Variants in RBMS1 observed in about 807,000 individuals in gnomAD.
The protein encoded by RBMS1 is RNA binding motif single stranded interacting protein 1, also known as RNA-binding motif, single-stranded-interacting protein 1.
RBMS1 carries 17 observed loss-of-function variants against 62.3 expected under a neutral mutation model. That is an observed-to-expected ratio of 0.27 (90% CI 0.19 to 0.41). RBMS1 has a LOEUF of 0.41. RBMS1 is among the 10% of genes least tolerant of loss of function. The pLI, the probability that RBMS1 is intolerant of heterozygous loss-of-function variation, is 1.00. For synonymous variants in RBMS1, 172 were observed against 170.0 expected, an observed-to-expected ratio of 1.01 and a Z score of -0.09; for missense variants, 334 against 504.5, an observed-to-expected ratio of 0.66 and a Z score of 3.24.
rs1191105818 is a variant in RBMS1, at chr2:160,324,899, TATATATATACACAC to T, written c.252-6686_252-6673del. 6.2e-4 allele frequency among the ~76,000 whole-genome samples: 75 copies of T among 120,774 alleles called. 1 individual carries two copies. Among genetic ancestry groups the T allele is most frequent in the Middle Eastern group, 4.3e-3 (1 of 234 alleles). The allele number at this position is 120,774 out of a possible 152,430, so 79.2% of individuals were successfully genotyped here. The stretch of plus-strand genomic sequence containing the variant: ...GTGTGTGTGTATATATATATATATA[TATATATATACACAC>T]ACACACACACACACACACACACACA... On this transcript the variant is annotated intron_variant, in intron 2 of 13. Transcript: ENST00000348849.
chr2:160,387,192 GT>G (rs1246381834), intron 1 of RBMS1, among the ~76,000 whole-genome samples: 1 of 152,182 alleles, frequency 6.6e-6, no homozygotes, highest in African/African-American at 2.4e-5. Flanking sequence ...CAGTATAGAA[GT>G]TAAAAATTTC....
chr2:160,288,532 G>A (rs1574220541), intron 6 of RBMS1, among the ~76,000 whole-genome samples: 1 of 152,290 alleles, frequency 6.6e-6, no homozygotes, highest in East Asian at 1.9e-4. Flanking sequence ...GAACCACTCT[G>A]GAGGGATGGG....
chr2:160,410,153 C>G (rs1175825650), intron 1 of RBMS1, among the ~76,000 whole-genome samples: 1 of 127,786 alleles, frequency 7.8e-6, no homozygotes, highest in Admixed American at 1.0e-4. Context: ...ACCCAGGAGG[C>G]GGAGCTTGCA....
chr2:160,390,105 G>A (rs932795751), intron 1 of RBMS1, among the ~76,000 whole-genome samples: 6 of 152,168 alleles, frequency 3.9e-5, no homozygotes, highest in Non-Finnish European at 7.3e-5. Context: ...AATGGGTAGT[G>A]GTGCAACCCA....
chr2:160,463,017 G>A (rs1425064116), intron 1 of RBMS1, among the ~76,000 whole-genome samples: 3 of 152,074 alleles, frequency 2.0e-5, no homozygotes, highest in Non-Finnish European at 2.9e-5. Flanking sequence ...ATACATGAAA[G>A]GAAAATCATA....
rs150917300 is a variant in RBMS1 at position 160,451,957 on chromosome 2, G to GT, written c.75+41331dup. 5.1e-3 allele frequency among the ~76,000 whole-genome samples: 777 copies of GT among 151,884 alleles called. 4 individuals carry two copies. The highest frequency in any genetic ancestry group is 8.2e-3 in the Non-Finnish European group (560 of 67,926). ...TCATCCTTTTATTATTTCCATCTAA[G>GT]TTTTTTTTCAAATTATAAAATCTTA... On this transcript the variant is annotated intron_variant, in intron 1 of 13. Coordinates refer to ENST00000348849, the MANE Select transcript of RBMS1 (RefSeq NM_016836.4).
intron 1 of RBMS1, among the ~76,000 whole-genome samples, chr2:160,387,540 G>A (rs962676717): frequency 3.3e-5 from 5 of 152,126 alleles, no homozygotes; most frequent in African/African-American, 1.2e-4. Context: ...AGGGGTTTCT[G>A]CAATGGCACA....
intron 1 of RBMS1, among the ~76,000 whole-genome samples, chr2:160,471,690 T>TGTGC (rs1321715208): frequency 1.5e-5 from 1 of 68,854 alleles, no homozygotes; most frequent in African/African-American, 4.1e-5. Flanking sequence ...AATCCTTTGG[T>TGTGC]GTATATATAT....
chr2:160,392,962 A>G (rs1455868663), intron 1 of RBMS1, among the ~76,000 whole-genome samples: 1 of 152,132 alleles, frequency 6.6e-6, no homozygotes, highest in Non-Finnish European at 1.5e-5. Context: ...TTTTTGCTTA[A>G]ATTTCTCTTA....
intron 1 of RBMS1, among the ~76,000 whole-genome samples, chr2:160,371,437 C>T (rs1193837834): frequency 6.6e-6 from 1 of 152,174 alleles, no homozygotes; most frequent in East Asian, 1.9e-4. Flanking sequence ...AGTGCCCACT[C>T]ATCCCAAAAG....
chr2:160,319,744 A>G (rs1690449846), intron 2 of RBMS1, among the ~76,000 whole-genome samples: 1 of 152,192 alleles, frequency 6.6e-6, no homozygotes, highest in South Asian at 2.1e-4. Flanking sequence ...ACCATTGTGA[A>G]TATTACACAC....
At chr2:160,316,742 G>A (rs1037426259) in intron 3 of RBMS1, among the ~76,000 whole-genome samples, 7 of 152,056 alleles carry the variant, frequency 4.6e-5, no homozygotes, top group Non-Finnish European at 7.4e-5. Flanking sequence ...ACACTGAGCC[G>A]ACATTAAGAT....
At chr2:160,354,651 G>T (rs562387179) in intron 2 of RBMS1, among the ~76,000 whole-genome samples, 19 of 152,210 alleles carry the variant, frequency 1.2e-4, no homozygotes, top group African/African-American at 4.6e-4. Context: ...TGTAAATCTG[G>T]AAATCTAAAG....
At chr2:160,412,910 G>A (rs981396686) in intron 1 of RBMS1, among the ~76,000 whole-genome samples, 1 of 152,116 alleles carries the variant, frequency 6.6e-6, no homozygotes, top group Non-Finnish European at 1.5e-5. Context: ...CGTCCTAGAG[G>A]ACCCAACACC....
At chr2:160,317,887 T>C (rs1357668439) in intron 3 of RBMS1, among the ~76,000 whole-genome samples, 1 of 152,182 alleles carries the variant, frequency 6.6e-6, no homozygotes, top group African/African-American at 2.4e-5. Flanking sequence ...ACTCCCCTTT[T>C]AAAAGCAAGG....
At chr2:160,369,650 G>A (rs761031903) in intron 1 of RBMS1, among the ~76,000 whole-genome samples, 9 of 152,320 alleles carry the variant, frequency 5.9e-5, no homozygotes, top group Non-Finnish European at 5.9e-5. Context: ...GATGAAATGT[G>A]GTCATCTGGG....
chr2:160,330,618 GTT>G (rs71003488), intron 2 of RBMS1, among the ~76,000 whole-genome samples: 35 of 141,542 alleles, frequency 2.5e-4, no homozygotes, highest in Admixed American at 5.6e-4. Flanking sequence ...ATGAAAATAT[GTT>G]TTTTTTTTTT....
intron 1 of RBMS1, among the ~76,000 whole-genome samples, chr2:160,475,468 G>A (rs1685085861): frequency 6.6e-6 from 1 of 152,198 alleles, no homozygotes; most frequent in Non-Finnish European, 1.5e-5. Context: ...CCAGCACTGG[G>A]CTTCCCCTCC....
intron 2 of RBMS1, among the ~76,000 whole-genome samples, chr2:160,336,323 G>C (rs1354168880): frequency 6.6e-6 from 1 of 152,138 alleles, no homozygotes; most frequent in African/African-American, 2.4e-5. Flanking sequence ...AATACTAAGT[G>C]AACTGCAGAA....
Sources: allele counts gnomAD v4.1 joint callset (sites outside exome capture counted in the v4.1 genomes callset), GRCh38; gene constraint gnomAD v4.1.1; transcripts MANE v1.5; gene names NCBI Gene and HGNC (gene_info 2026-07-23, HGNC 2026-07-21).